SULT2B1: variants seen among roughly 807,000 people sequenced by gnomAD.
The protein encoded by SULT2B1 is sulfotransferase family 2B member 1.
SULT2B1 carries 16 observed loss-of-function variants against 33.2 expected under a neutral mutation model. The observed-to-expected ratio is 0.48, with a 90% CI of 0.33 to 0.73. The LOEUF (loss-of-function observed/expected upper bound fraction) is 0.73. SULT2B1 is among the 30% of genes least tolerant of loss of function. SULT2B1 has a pLI of 0.02. For synonymous variants in SULT2B1, 186 were observed against 200.5 expected, an observed-to-expected ratio of 0.93 and a Z score of 0.61; for missense variants, 500 against 506.0, an observed-to-expected ratio of 0.99 and a Z score of 0.11.
At chr19:48,555,154 C>T (rs895565371) in intron 1 of SULT2B1, among the ~76,000 whole-genome samples, 3 of 152,144 alleles carry the variant, frequency 2.0e-5, no homozygotes, top group African/African-American at 4.8e-5. Flanking sequence ...TGCAGTGGCA[C>T]GATCTCGGCT....
intron 2 of SULT2B1, among the ~76,000 whole-genome samples, chr19:48,580,159 C>T (rs945545588): frequency 1.3e-5 from 2 of 151,562 alleles, no homozygotes; most frequent in African/African-American, 4.9e-5. Flanking sequence ...TTCAAACTCC[C>T]GAGCTCAAGC....
chr19:48,576,140 G>T, intron 2 of SULT2B1, 57 bp downstream of exon 2: 1 of 1,462,400 alleles, frequency 6.8e-7, no homozygotes, highest in Non-Finnish European at 9.4e-7. Flanking sequence ...GGGTGCGGCA[G>T]AGGACAGGAA....
intron 1 of SULT2B1, among the ~76,000 whole-genome samples, chr19:48,569,361 A>AAAAAAAATATAT (rs1568405757): frequency 1.0e-4 from 1 of 9,968 alleles, no homozygotes; most frequent in Admixed American, 9.4e-4. Flanking sequence ...AAAAAAAAAA[A>AAAAAAAATATAT]ACATATATAT....
At chr19:48,567,194 G>A (rs1482834824) in intron 1 of SULT2B1, among the ~76,000 whole-genome samples, 1 of 152,020 alleles carries the variant, frequency 6.6e-6, no homozygotes, top group East Asian at 1.9e-4. Flanking sequence ...ATATTTCACT[G>A]CGCGCTTCCT....
chr19:48,570,468 C>T (rs966787940), intron 1 of SULT2B1, among the ~76,000 whole-genome samples: 5 of 152,230 alleles, frequency 3.3e-5, no homozygotes, highest in South Asian at 2.1e-4. Context: ...CGTGAGCCAC[C>T]GAGCCCGGCC....
chr19:48,591,854 G>C lies in SULT2B1; in HGVS notation c.550+119G>C, dbSNP rs557088701. The C allele has an allele frequency of 3.0e-4, 377 of 1,248,110 alleles. 3 individuals carry two copies. Among genetic ancestry groups the C allele is most frequent in the South Asian group, 1.6e-3 (99 of 62,024 alleles). The allele number at this position is 1,248,110 out of a possible 1,614,324, so 77.3% of individuals were successfully genotyped here. On this transcript the variant is annotated intron_variant, in intron 4 of 6. Coordinates refer to ENST00000201586, the MANE Select transcript of SULT2B1 (RefSeq NM_177973.2). The stretch of plus-strand genomic sequence containing the variant: ...GAGACAGAGACACAGGGCATCAAAA[G>C]GGGCAATAGAGACAGAGAGCAGGTG...
chr19:48,571,651 C>A (rs906815678), intron 1 of SULT2B1, among the ~76,000 whole-genome samples: 71 of 79,932 alleles, frequency 8.9e-4, no homozygotes, highest in South Asian at 2.3e-3. Flanking sequence ...GAAAAAAACA[C>A]CAGATTTTTT....
At chr19:48,553,432 C>G (rs1374045749) in intron 1 of SULT2B1, among the ~76,000 whole-genome samples, 1 of 152,218 alleles carries the variant, frequency 6.6e-6, no homozygotes, top group African/African-American at 2.4e-5. Context: ...CTCAGCTTCC[C>G]AAGTAACTGG....
chr19:48,560,319 A>G (rs1973159177), intron 1 of SULT2B1, among the ~76,000 whole-genome samples: 1 of 152,166 alleles, frequency 6.6e-6, no homozygotes, highest in Non-Finnish European at 1.5e-5. Flanking sequence ...GGATGAGCTC[A>G]CTGAGTCTTC....
At chr19:48,582,677 T>C (rs10422117) in intron 2 of SULT2B1, among the ~76,000 whole-genome samples, 34,048 of 151,218 alleles carry the variant, frequency 0.23, 4,949 homozygotes, top group African/African-American at 0.42. Context: ...ACCCCATATC[T>C]ACTAAAAATA....
intron 1 of SULT2B1, among the ~76,000 whole-genome samples, chr19:48,562,871 G>A (rs989673044): frequency 1.3e-5 from 2 of 151,824 alleles, no homozygotes; most frequent in Admixed American, 6.6e-5. Context: ...GTAGAGATGG[G>A]GTTTCACCAT....
intron 1 of SULT2B1, among the ~76,000 whole-genome samples, chr19:48,571,636 C>CA (rs141727418): frequency 0.37 from 50,879 of 136,178 alleles, 10,270 homozygotes; most frequent in South Asian, 0.57. Flanking sequence ...AGAACAATAA[C>CA]AAAAGAAAAA....
rs1354379733 is a variant in SULT2B1 at position 48,569,362 on chromosome 19, AC to A, written c.72-6578del. 3.5e-3 allele frequency among the ~76,000 whole-genome samples: 453 copies of A among 129,978 alleles called. 5 individuals carry two copies. Among genetic ancestry groups the A allele is most frequent in the African/African-American group, 5.6e-3 (208 of 37,022 alleles). The allele number at this position is 129,978 out of a possible 152,430, so 85.3% of individuals were successfully genotyped here. ...GTCTCAAAAAAAAAAAAAAAAAAAA[AC>A]ATATATATATATATATATATATATA... On this transcript the variant is annotated intron_variant, in intron 1 of 6. Transcript: ENST00000201586.
rs79686060 is a variant in SULT2B1, at chr19:48,585,142, G to C, written c.215-2087G>C. 6.2e-3 allele frequency among the ~76,000 whole-genome samples: 936 copies of C among 151,904 alleles called. 6 individuals are homozygous for C. Among genetic ancestry groups the C allele is most frequent in the African/African-American group, 0.021 (881 of 41,416 alleles). ...GATCACTTGAGCCTGGGAGTTGGAG[G>C]CTGAAGCTGAAGTAAGCTGTGACTG... On this transcript the variant is annotated intron_variant, in intron 2 of 6. Transcript: ENST00000201586.
intron 1 of SULT2B1, among the ~76,000 whole-genome samples, chr19:48,561,694 A>T (rs1973183322): frequency 6.6e-6 from 1 of 152,136 alleles, no homozygotes. Context: ...TCGGATGGGC[A>T]GGGCCTGCGG....
At chr19:48,582,585 CA>C (rs1973506723) in intron 2 of SULT2B1, among the ~76,000 whole-genome samples, 1 of 152,154 alleles carries the variant, frequency 6.6e-6, no homozygotes, top group African/African-American at 2.4e-5. Flanking sequence ...GTGTGGTTAA[CA>C]CCTGAAATCC....
intron 1 of SULT2B1, among the ~76,000 whole-genome samples, chr19:48,572,240 A>T (rs905620108): frequency 3.9e-5 from 6 of 151,928 alleles, no homozygotes; most frequent in African/African-American, 1.4e-4. Context: ...CTGTGCTGGG[A>T]GCGGTGGCTC....
intron 5 of SULT2B1, among the ~76,000 whole-genome samples, chr19:48,593,305 AC>A (rs1973668013): frequency 6.6e-6 from 1 of 152,082 alleles, no homozygotes; most frequent in African/African-American, 2.4e-5. Flanking sequence ...TAATCCCAGC[AC>A]TTTGGGAGCC....
rs563427766 is a variant in SULT2B1 at position 48,591,482 on chromosome 19, A to C, written c.424-127A>C. On this transcript the variant is annotated intron_variant, in intron 3 of 6. Transcript: ENST00000201586. ...AGTCAGACTCCATCGCAAAAAAAAA[A>C]GAGTCTGCCCTGAGTCCTTCCTGCT... The C allele has an allele frequency of 3.7e-5, 42 of 1,122,214 alleles. No individual in the cohort carries two copies. The African/African-American group carries it at 5.7e-4, about 15-fold the overall frequency. 69.5% of individuals were successfully genotyped at this position (1,122,214 alleles called of 1,614,324 possible).
Sources: gnomAD v4.1 joint callset for allele counts (sites outside exome capture counted in the v4.1 genomes callset) on GRCh38, gnomAD v4.1.1 for gene constraint, MANE v1.5 for transcripts, NCBI Gene and HGNC (gene_info 2026-07-23, HGNC 2026-07-21) for gene names.